Variants in RIC1 observed in about 807,000 individuals in gnomAD.
RIC1 encodes RIC1 partner of RAB6A GEF complex, also known as guanine nucleotide exchange factor subunit RIC1.
In RIC1, 88 loss-of-function variants were observed where a neutral mutation model predicts 169.0. The ratio of observed to expected loss-of-function variants is 0.52; its 90% CI spans 0.44 to 0.62. The LOEUF (loss-of-function observed/expected upper bound fraction) is 0.62, where lower values mean the gene tolerates loss of function less well. RIC1 is among the 20% of genes least tolerant of loss of function. RIC1 has a pLI of 0.00. For synonymous variants in RIC1, 790 were observed against 601.5 expected (o/e 1.31, Z -4.59); for missense variants, 1,877 against 1,725.5 (o/e 1.09, Z -1.56).
intron 3 of RIC1, chr9:5,712,952 G>A (rs1287571968): frequency 6.6e-6 from 1 of 151,964 alleles, no homozygotes; most frequent in Non-Finnish European, 1.5e-5. Flanking sequence ...AACTTTATAA[G>A]AAAAATAGTC....
At position 5,772,574 on chromosome 9, in the gene RIC1, C is replaced by T. The variant is rs1437631816; in HGVS notation, c.3627C>T (p.Cys1209=). 1 of 1,604,696 alleles carries T rather than the reference C, an allele frequency of 6.2e-7. No homozygotes were observed. Among genetic ancestry groups the T allele is most frequent in the African/African-American group, 1.3e-5 (1 of 74,450 alleles). The change falls in exon 24 of 26, where the codon TGC becomes TGT. Residue 1209 remains cysteine (C), a synonymous_variant. Transcript: ENST00000414202. Reference sequence around the variant, plus strand: ...GCAATTCTTCATCAGGTGATGAATGCAGTATTGGTTCAGCCACAGACTTGA... The same window carrying T: ...GCAATTCTTCATCAGGTGATGAATGTAGTATTGGTTCAGCCACAGACTTGA... ...LSPLSNKGDE[C]SIGSATDLTE... is the part of the protein sequence containing the mutation.
At chr9:5,680,709 T>G (rs975529240) in intron 2 of RIC1, among the ~76,000 whole-genome samples, 2 of 152,188 alleles carry the variant, frequency 1.3e-5, no homozygotes, top group Non-Finnish European at 2.9e-5. Context: ...CTTTGTCATT[T>G]TTTATTGCGT....
intron 7 of RIC1, among the ~76,000 whole-genome samples, chr9:5,734,955 C>G (rs768372690): frequency 6.6e-6 from 1 of 152,094 alleles, no homozygotes; most frequent in Non-Finnish European, 1.5e-5. Context: ...TGATAAATCC[C>G]TAATAGGATC....
chr9:5,762,475 G>T (rs892604411), intron 17 of RIC1, 66 bp from the exon 18 acceptor site: 1 of 1,575,136 alleles, frequency 6.3e-7, no homozygotes, highest in Non-Finnish European at 8.7e-7. Context: ...CTTATGGATT[G>T]GGGGGAGATG....
In RIC1 at chr9:5,642,359, T is replaced by TA. The variant is rs1818293297; in HGVS notation, c.144+12906_144+12907insA. On this transcript the variant is annotated intron_variant, in intron 1 of 25. Coordinates refer to ENST00000414202, the MANE Select transcript of RIC1 (RefSeq NM_020829.4). ...GTTAGACCTGAAGCCAGCAGAGCAC[T>TA]GGGTCTCATCCAAGGCCTGCTGTCA... 2.1e-5 allele frequency among the ~76,000 whole-genome samples: 3 copies of TA among 143,950 alleles called. 1 individual carries two copies. The highest frequency in any genetic ancestry group is 8.6e-5 in the African/African-American group (3 of 35,078). The allele number at this position is 143,950 out of a possible 152,430, so 94.4% of individuals were successfully genotyped here.
intron 22 of RIC1, 30 bp downstream of exon 22, chr9:5,769,286 G>A: frequency 1.2e-6 from 2 of 1,613,850 alleles, no homozygotes; most frequent in African/African-American, 2.7e-5. Flanking sequence ...ACTTGTACAA[G>A]GAGAATTGTA....
chr9:5,725,712 C>A (rs147146384), intron 6 of RIC1, among the ~76,000 whole-genome samples: 1 of 152,022 alleles, frequency 6.6e-6, no homozygotes, highest in African/African-American at 2.4e-5. Flanking sequence ...ATAAATTTCC[C>A]TCTACACACT....
intron 1 of RIC1, 98 bp from the exon 2 acceptor site, chr9:5,656,485 A>G: frequency 1.8e-6 from 1 of 552,336 alleles, no homozygotes; most frequent in Admixed American, 3.5e-5. Context: ...ATTTTACTGT[A>G]AAAATACTTT....
chr9:5,735,817 G>C (rs547967344), intron 7 of RIC1, among the ~76,000 whole-genome samples: 1 of 152,228 alleles, frequency 6.6e-6, no homozygotes, highest in South Asian at 2.1e-4. Flanking sequence ...TACACATTTT[G>C]TCATGGGTGA....
chr9:5,724,037 T>G (rs1250744293), intron 6 of RIC1, among the ~76,000 whole-genome samples: 1 of 152,084 alleles, frequency 6.6e-6, no homozygotes, highest in Non-Finnish European at 1.5e-5. Context: ...GTCTTCGCAA[T>G]GCAGGCTGTT....
intron 19 of RIC1, chr9:5,765,196 C>T: frequency 2.1e-6 from 1 of 486,752 alleles, no homozygotes; most frequent in South Asian, 3.8e-5. Context: ...TGTATGCTAT[C>T]TGGCATGTAG....
At position 5,654,581 on chromosome 9, in the gene RIC1, C is replaced by T. The variant is rs188598071; in HGVS notation, c.145-2002C>T. Among the ~76,000 whole-genome samples, 176 of 151,956 alleles carry T rather than the reference C, an allele frequency of 1.2e-3. 5 individuals carry two copies. The East Asian group carries it at 0.025, about 22-fold the overall frequency. On this transcript the variant is annotated intron_variant, in intron 1 of 25. Coordinates refer to ENST00000414202, the MANE Select transcript of RIC1 (RefSeq NM_020829.4). ...GTTTTTGAGATTCAGTTTCTGTTGC[C>T]TAGGGTGGAGTGCAGTAGCGCAGTC...
chr9:5,657,155 T>G (rs1056796146), intron 2 of RIC1, among the ~76,000 whole-genome samples: 4 of 152,172 alleles, frequency 2.6e-5, no homozygotes, highest in African/African-American at 9.6e-5. Context: ...TTCTTGAATT[T>G]ATATTTAAAT....
chr9:5,758,101 G>T (rs143840032), intron 17 of RIC1, among the ~76,000 whole-genome samples: 2 of 152,290 alleles, frequency 1.3e-5, no homozygotes, highest in East Asian at 3.9e-4. Context: ...GGTGTTCACA[G>T]TCTGAACTTG....
intron 3 of RIC1, among the ~76,000 whole-genome samples, chr9:5,704,117 C>T (rs113079296): frequency 7.2e-5 from 11 of 151,732 alleles, no homozygotes; most frequent in Non-Finnish European, 1.3e-4. Context: ...ATGTGTATTT[C>T]CCTAATGATT....
At chr9:5,661,112 T>C (rs899459012) in intron 2 of RIC1, among the ~76,000 whole-genome samples, 1 of 152,176 alleles carries the variant, frequency 6.6e-6, no homozygotes, top group Non-Finnish European at 1.5e-5. Context: ...CCATTGCTTG[T>C]GTTTGTCAGG....
intron 1 of RIC1, among the ~76,000 whole-genome samples, chr9:5,633,322 C>T (rs1817809527): frequency 6.6e-6 from 1 of 152,114 alleles, no homozygotes; most frequent in Non-Finnish European, 1.5e-5. Context: ...ATTACTTTCT[C>T]CAGAGAGCCT....
intron 19 of RIC1, 52 bp from the exon 20 acceptor site, chr9:5,765,362 C>T: frequency 6.4e-7 from 1 of 1,556,954 alleles, no homozygotes; most frequent in African/African-American, 1.4e-5. Context: ...TTGCTCATAT[C>T]TTCCCAAATT....
chr9:5,686,816 T>C (rs1036907283), intron 2 of RIC1, among the ~76,000 whole-genome samples: 4 of 152,104 alleles, frequency 2.6e-5, no homozygotes, highest in Non-Finnish European at 4.4e-5. Context: ...GATCTTGGCC[T>C]GTAGTTATAA....
Sources: allele counts gnomAD v4.1 joint callset (sites outside exome capture counted in the v4.1 genomes callset), GRCh38; gene constraint gnomAD v4.1.1; transcripts MANE v1.5; gene names NCBI Gene and HGNC (gene_info 2026-07-23, HGNC 2026-07-21).